ELMO1: variants seen among roughly 807,000 people sequenced by gnomAD.
ELMO1 encodes engulfment and cell motility 1.
In ELMO1, 26 loss-of-function variants were observed where a neutral mutation model predicts 98.9. The observed-to-expected ratio is 0.26, with a 90% CI of 0.19 to 0.36. The LOEUF is 0.36. ELMO1 is among the 10% of genes least tolerant of loss of function. The pLI is 1.00. For missense variants in ELMO1, 627 were observed against 935.2 expected, an observed-to-expected ratio of 0.67 and a Z score of 4.30; for synonymous variants, 346 against 346.0, an observed-to-expected ratio of 1.00 and a Z score of 0.00.
intron 16 of ELMO1, among the ~76,000 whole-genome samples, chr7:36,975,196 A>G (rs1263440284): frequency 1.3e-5 from 2 of 152,236 alleles, no homozygotes; most frequent in African/African-American, 2.4e-5. Flanking sequence ...CAGGCCAGGC[A>G]TGGTGGCTAA....
Position 37,096,652 on chromosome 7 carries a change from T to C in ELMO1, c.1267A>G (p.Met423Val). The C allele has an allele frequency of 6.2e-7, 1 of 1,614,156 alleles. No homozygotes were observed. Residue 423 changes from methionine (M) to valine (V), a missense_variant, in exon 15 of 22, where the codon ATG becomes GTG. Physicochemically the swap from Met to Val is conservative, Grantham distance 21. Around this residue, in one of 3 missense-constraint regions of ELMO1, gnomAD observed 492 missense variants for 715.6 expected, o/e 0.69. Transcript: ENST00000310758. ...FGRSSIELTKMLCEILKVGEL... is the reference protein window; with the variant it reads ...FGRSSIELTKVLCEILKVGEL... ...CCCACTTTCAAGATCTCACATAGCATCTTGGTCAGCTCTATACTACTGCGG... is the reference window on the plus strand; with the variant it reads ...CCCACTTTCAAGATCTCACATAGCACCTTGGTCAGCTCTATACTACTGCGG...
At chr7:37,377,328 A>G (rs1216699803) in intron 1 of ELMO1, among the ~76,000 whole-genome samples, 1 of 152,074 alleles carries the variant, frequency 6.6e-6, no homozygotes, top group Non-Finnish European at 1.5e-5. Context: ...AAGTTTCAGG[A>G]AAGTGAAGGT....
intron 20 of ELMO1, among the ~76,000 whole-genome samples, chr7:36,868,134 T>G (rs1218511989): frequency 1.3e-5 from 2 of 152,210 alleles, no homozygotes; most frequent in Non-Finnish European, 2.9e-5. Flanking sequence ...ATAATGAATT[T>G]GTTTATTTCT....
chr7:37,156,808 C>T (rs1016858377), intron 13 of ELMO1, among the ~76,000 whole-genome samples: 3 of 152,196 alleles, frequency 2.0e-5, no homozygotes, highest in Non-Finnish European at 4.4e-5. Flanking sequence ...TCCTCCCTAA[C>T]TCATTTTATG....
chr7:36,974,242 C>T (rs1271177317), intron 16 of ELMO1, among the ~76,000 whole-genome samples: 1 of 152,232 alleles, frequency 6.6e-6, no homozygotes, highest in Non-Finnish European at 1.5e-5. Flanking sequence ...ATGTCTAGCT[C>T]AGGGATGGTA....
intron 13 of ELMO1, among the ~76,000 whole-genome samples, chr7:37,206,081 G>T (rs1031364244): frequency 1.3e-5 from 2 of 151,948 alleles, no homozygotes; most frequent in African/African-American, 2.4e-5. Flanking sequence ...CAACTCTCAC[G>T]TTCTGCTATC....
At chr7:36,890,224 A>G (rs966943272) in intron 17 of ELMO1, among the ~76,000 whole-genome samples, 1 of 152,228 alleles carries the variant, frequency 6.6e-6, no homozygotes, top group Non-Finnish European at 1.5e-5. Flanking sequence ...ATTAAAGGAG[A>G]GAAGATTTAA....
At chr7:37,315,189 A>T (rs1345392333) in intron 3 of ELMO1, among the ~76,000 whole-genome samples, 1 of 152,138 alleles carries the variant, frequency 6.6e-6, no homozygotes, top group Non-Finnish European at 1.5e-5. Context: ...GGTGTGGGAG[A>T]TTTAAATACA....
chr7:37,312,792 C>CT (rs1220857798), intron 4 of ELMO1, among the ~76,000 whole-genome samples: 1 of 152,166 alleles, frequency 6.6e-6, no homozygotes, highest in Non-Finnish European at 1.5e-5. Context: ...GACTCAACAG[C>CT]TTTTTTACCA....
At chr7:37,022,331 T>C (rs1347325288) in intron 15 of ELMO1, among the ~76,000 whole-genome samples, 3 of 152,130 alleles carry the variant, frequency 2.0e-5, no homozygotes, top group Non-Finnish European at 4.4e-5. Context: ...TTCAACATTA[T>C]CTAATAAAGA....
intron 4 of ELMO1, among the ~76,000 whole-genome samples, chr7:37,310,215 T>C (rs1489025385): frequency 6.6e-6 from 1 of 152,246 alleles, no homozygotes; most frequent in Non-Finnish European, 1.5e-5. Context: ...AAATAAGACA[T>C]TAGCGATACA....
rs188195343 is a variant in ELMO1 at position 37,102,787 on chromosome 7, T to A, written c.1192-6060A>T. 2.2e-3 allele frequency among the ~76,000 whole-genome samples: 337 copies of A among 152,304 alleles called. 1 individual carries two copies. Among genetic ancestry groups the A allele is most frequent in the African/African-American group, 7.2e-3 (298 of 41,586 alleles). On this transcript the variant is annotated intron_variant, in intron 14 of 21. Coordinates refer to ENST00000310758, the MANE Select transcript of ELMO1 (RefSeq NM_014800.11). ...AGCACAGAAATAAACAGACCCAGCA[T>A]GGAAGCTTAGATGGCCTAACCCCAA...
In ELMO1 at chr7:37,342,776, G is replaced by T; in HGVS notation, c.-73-13C>A. On this transcript the variant is annotated splice_polypyrimidine_tract_variant and intron_variant, in intron 1 of 21. Transcript: ENST00000310758. The surrounding 1 kb of genome is among the most constrained non-coding windows in gnomAD (Gnocchi z 4.3). ...CACGTGTCTATACCTAATGAGGAATGACAGAAAAAGAAAGAGAAGTCACTC... is the reference window on the plus strand; with the variant it reads ...CACGTGTCTATACCTAATGAGGAATTACAGAAAAAGAAAGAGAAGTCACTC... The T allele has an allele frequency of 8.2e-7, 1 of 1,225,406 alleles. No homozygotes were observed. Among genetic ancestry groups the T allele is most frequent in the Non-Finnish European group, 1.1e-6 (1 of 871,456 alleles). 75.9% of individuals were successfully genotyped at this position (1,225,406 alleles called of 1,614,324 possible). A position where few individuals can be genotyped will look rare whatever the true frequency, so the allele number is the denominator to read the frequency against.
chr7:37,035,180 C>T (rs930513023), intron 15 of ELMO1, among the ~76,000 whole-genome samples: 5 of 152,154 alleles, frequency 3.3e-5, no homozygotes, highest in East Asian at 1.9e-4. Context: ...TTCTTAATGG[C>T]GGTTTGGAAC....
chr7:37,249,261 T>A (rs1192541959), intron 6 of ELMO1, among the ~76,000 whole-genome samples: 2 of 152,194 alleles, frequency 1.3e-5, no homozygotes, highest in Non-Finnish European at 2.9e-5. Context: ...ACTGTTCTTG[T>A]ATTAATGCAA....
At chr7:36,864,226 T>A (rs917149781) in intron 20 of ELMO1, among the ~76,000 whole-genome samples, 2 of 152,204 alleles carry the variant, frequency 1.3e-5, no homozygotes, top group African/African-American at 4.8e-5. Context: ...GACCACAGTG[T>A]CAGCGTGGTT....
intron 16 of ELMO1, among the ~76,000 whole-genome samples, chr7:36,903,212 T>G (rs1242053822): frequency 1.3e-5 from 2 of 152,192 alleles, no homozygotes; most frequent in Non-Finnish European, 2.9e-5. Flanking sequence ...CTTCCTCCTA[T>G]CCATGACTAT....
rs1377822197 is a variant in ELMO1 at position 37,096,562 on chromosome 7, C to A, written c.1300+57G>T. On this transcript the variant is annotated intron_variant, in intron 15 of 21. Transcript: ENST00000310758. ...TTTCTTCACACAGGTAGGGGCACAA[C>A]CCTGGAAGCTGGGACTCTGCCAGCT... The A allele has an allele frequency of 6.7e-7, 1 of 1,489,052 alleles. No homozygotes were observed. Among genetic ancestry groups the A allele is most frequent in the East Asian group, 2.3e-5 (1 of 44,158 alleles). The allele number at this position is 1,489,052 out of a possible 1,614,324, so 92.2% of individuals were successfully genotyped here. A position where few individuals can be genotyped will look rare whatever the true frequency, so the allele number is the denominator to read the frequency against.
chr7:37,168,086 A>G (rs1308776009), intron 13 of ELMO1, among the ~76,000 whole-genome samples: 4 of 150,204 alleles, frequency 2.7e-5, no homozygotes, highest in Admixed American at 6.6e-5. Flanking sequence ...CATTTCATTC[A>G]TTTCATCTTC....
Sources: allele counts gnomAD v4.1 joint callset (sites outside exome capture counted in the v4.1 genomes callset), GRCh38; gene constraint gnomAD v4.1.1; regional missense constraint gnomAD v4.1.1; non-coding constraint Gnocchi (gnomAD v3.1); transcripts MANE v1.5; gene names NCBI Gene and HGNC (gene_info 2026-07-23, HGNC 2026-07-21).